BCO1: variants seen among roughly 807,000 people sequenced by gnomAD.
BCO1 encodes beta-carotene oxygenase 1.
A neutral mutation model predicts 56.3 loss-of-function variants in BCO1; 54 were observed. That is an observed-to-expected ratio of 0.96 (90% CI 0.77 to 1.20). The LOEUF (loss-of-function observed/expected upper bound fraction) is 1.20, where lower values mean the gene tolerates loss of function less well. Among genes scored for constraint, BCO1 ranks in the 50% most tolerant of loss-of-function variants. BCO1 has a pLI of 0.00. For missense variants in BCO1, 801 were observed against 690.9 expected, an observed-to-expected ratio of 1.16 and a Z score of -1.79; for synonymous variants, 318 against 266.1, an observed-to-expected ratio of 1.20 and a Z score of -1.90.
Position 81,290,522 on chromosome 16 carries a change from C to T in BCO1, c.1589C>T (p.Ala530Val). The change falls in exon 11 of 11, where the codon GCT (alanine) becomes GTT (valine). Residue 530 changes from alanine (A) to valine (V), a missense_variant. Physicochemically the swap from Ala to Val is moderately conservative, Grantham distance 64. Coordinates refer to ENST00000258168, the MANE Select transcript of BCO1 (RefSeq NM_017429.3). Reference protein sequence around the residue: ...DMDWDTKKQAASEEQRDRASD... With the variant: ...DMDWDTKKQAVSEEQRDRASD... ...GACTGGGACACAAAAAAGCAGGCCG[C>T]TTCTGAGGAACAGCGGGACAGGGCT... 6.2e-7 allele frequency: 1 copy of T among 1,614,126 alleles called. No homozygotes were observed. Among genetic ancestry groups the T allele is most frequent in the Non-Finnish European group, 8.5e-7 (1 of 1,180,032 alleles).
chr16:81,242,982 ACCAGT>A (rs775028183), intron 1 of BCO1, among the ~76,000 whole-genome samples: 2 of 151,908 alleles, frequency 1.3e-5, no homozygotes, highest in Non-Finnish European at 2.9e-5. Flanking sequence ...CTTCCACAAA[ACCAGT>A]CCCTGGTGCC....
intron 8 of BCO1, among the ~76,000 whole-genome samples, chr16:81,284,324 T>C (rs1019984151): frequency 6.7e-6 from 1 of 149,144 alleles, no homozygotes; most frequent in African/African-American, 2.5e-5. Context: ...AGAGAAAAAA[T>C]AATATTTTTG....
intron 7 of BCO1, among the ~76,000 whole-genome samples, chr16:81,272,837 G>A (rs1282031995): frequency 6.6e-6 from 1 of 152,208 alleles, no homozygotes; most frequent in Non-Finnish European, 1.5e-5. Context: ...TGTGGGAAAC[G>A]TCCCTGTAGA....
intron 10 of BCO1, among the ~76,000 whole-genome samples, chr16:81,288,812 T>C (rs893457315): frequency 6.6e-6 from 1 of 152,204 alleles, no homozygotes; most frequent in South Asian, 2.1e-4. Context: ...CTGCCACACC[T>C]GCAAGGAGGG....
At chr16:81,264,477 C>G (rs1355329092) in intron 4 of BCO1, among the ~76,000 whole-genome samples, 163 bp from the exon 5 acceptor site, 1 of 152,174 alleles carries the variant, frequency 6.6e-6, no homozygotes, top group African/African-American at 2.4e-5. Context: ...GTATCGTTTT[C>G]AGATCAACAG....
rs995784681 is a variant in BCO1 at position 81,238,754 on chromosome 16, C to G, written c.-155C>G. Reference sequence around the variant, plus strand: ...TGAGAGCCAGCCAAAAAGGAAAAAGCAAAGGCAGAAACGGCATCAGGAGAG... The same window carrying G: ...TGAGAGCCAGCCAAAAAGGAAAAAGGAAAGGCAGAAACGGCATCAGGAGAG... On this transcript the variant is annotated 5_prime_UTR_variant, in exon 1 of 11. Transcript: ENST00000258168. 5.9e-5 allele frequency: 43 copies of G among 733,552 alleles called. No individual in the cohort carries two copies. The highest frequency in any genetic ancestry group is 9.6e-5 in the Non-Finnish European group (39 of 407,752). The allele number at this position is 733,552 out of a possible 1,614,324, so 45.4% of individuals were successfully genotyped here.
chr16:81,269,315 T>C (rs948824991), intron 6 of BCO1, among the ~76,000 whole-genome samples: 1 of 150,894 alleles, frequency 6.6e-6, no homozygotes, highest in Non-Finnish European at 1.5e-5. Context: ...TTTTTTTTTT[T>C]CAGATAGAGT....
At chr16:81,248,949 C>T (rs1905603172) in intron 2 of BCO1, among the ~76,000 whole-genome samples, 1 of 152,050 alleles carries the variant, frequency 6.6e-6, no homozygotes, top group Admixed American at 6.6e-5. Flanking sequence ...GAGGCAGAGG[C>T]TGTGGTGAGT....
chr16:81,264,952 A>C (rs1906719939), intron 5 of BCO1, among the ~76,000 whole-genome samples, 165 bp downstream of exon 5: 1 of 152,188 alleles, frequency 6.6e-6, no homozygotes, highest in South Asian at 2.1e-4. Flanking sequence ...AGAAGAGGAG[A>C]TGCTGGGATT....
At chr16:81,277,175 C>T (rs939503686) in intron 7 of BCO1, among the ~76,000 whole-genome samples, 1 of 151,824 alleles carries the variant, frequency 6.6e-6, no homozygotes, top group African/African-American at 2.4e-5. Flanking sequence ...TGAAGGGCTG[C>T]GTGTCAAGGC....
rs371125704 is a variant in BCO1, at chr16:81,273,470, C to T, written c.1101+3054C>T. Reference sequence around the variant, plus strand: ...GTTTCTCAGTGCAGGAATTCAGCCACCCTCCCAGCCAGCGGGCAGGGGAGC... The same window carrying T: ...GTTTCTCAGTGCAGGAATTCAGCCATCCTCCCAGCCAGCGGGCAGGGGAGC... On this transcript the variant is annotated intron_variant, in intron 7 of 10. Coordinates refer to ENST00000258168, the MANE Select transcript of BCO1 (RefSeq NM_017429.3). Among the ~76,000 whole-genome samples the T allele has an allele frequency of 9.7e-4, 148 of 152,202 alleles. 2 individuals are homozygous for T. The South Asian group carries it at 0.029, about 30-fold the overall frequency.
chr16:81,287,317 C>A lies in BCO1; in HGVS notation c.1325C>A (p.Thr442Lys). 1 of 1,613,612 alleles carries A rather than the reference C, an allele frequency of 6.2e-7. No homozygotes were observed. The highest frequency in any genetic ancestry group is 2.2e-5 in the East Asian group (1 of 44,880). ...CAGATAATAAAATATGACATTCTCACAAAGTCATCCTTAAAATGGAGAGAG... is the reference window on the plus strand; with the variant it reads ...CAGATAATAAAATATGACATTCTCAAAAAGTCATCCTTAAAATGGAGAGAG... Reference protein sequence around the residue: ...PTKIIKYDILTKSSLKWREDD... With the variant: ...PTKIIKYDILKKSSLKWREDD... The change falls in exon 10 of 11, where the codon ACA (threonine) becomes AAA (lysine). Residue 442 changes from threonine (T) to lysine (K), a missense_variant. Physicochemically the swap from Thr to Lys is moderately conservative, Grantham distance 78. Transcript: ENST00000258168.
intron 3 of BCO1, 83 bp from the exon 4 acceptor site, chr16:81,262,053 A>T: frequency 6.6e-7 from 1 of 1,521,614 alleles, no homozygotes; most frequent in Non-Finnish European, 9.0e-7. Flanking sequence ...TTTAAGTGGT[A>T]GGAAAACTAA....
At chr16:81,258,186 T>C (rs1455516138) in intron 2 of BCO1, among the ~76,000 whole-genome samples, 1 of 152,180 alleles carries the variant, frequency 6.6e-6, no homozygotes, top group Non-Finnish European at 1.5e-5. Context: ...TTTCAGACTT[T>C]CTTCCAAACT....
intron 2 of BCO1, among the ~76,000 whole-genome samples, chr16:81,254,502 G>C (rs764950013): frequency 4.7e-5 from 7 of 148,658 alleles, no homozygotes; most frequent in Non-Finnish European, 7.4e-5. Flanking sequence ...GGCTGATCTC[G>C]AACACCTAGC....
chr16:81,274,450 G>T (rs1907429706), intron 7 of BCO1, among the ~76,000 whole-genome samples: 1 of 151,966 alleles, frequency 6.6e-6, no homozygotes, highest in Non-Finnish European at 1.5e-5. Context: ...ATTTTTGGTA[G>T]AGACGGGGTT....
chr16:81,277,644 G>T (rs1597371617), intron 7 of BCO1, among the ~76,000 whole-genome samples: 2 of 152,312 alleles, frequency 1.3e-5, no homozygotes, highest in East Asian at 1.9e-4. Flanking sequence ...CCACAGCGTT[G>T]AATTTCATAT....
chr16:81,250,801 G>C (rs1384213436), intron 2 of BCO1, among the ~76,000 whole-genome samples: 2 of 152,106 alleles, frequency 1.3e-5, no homozygotes, highest in African/African-American at 4.8e-5. Context: ...GGTTGGTCTC[G>C]ACCTCCTGAC....
At chr16:81,273,280 G>A (rs1170540054) in intron 7 of BCO1, among the ~76,000 whole-genome samples, 1 of 152,128 alleles carries the variant, frequency 6.6e-6, no homozygotes, top group Non-Finnish European at 1.5e-5. Flanking sequence ...ACCGTGGCCG[G>A]CCCTAAACCC....
Sources: gnomAD v4.1 joint callset for allele counts (sites outside exome capture counted in the v4.1 genomes callset) on GRCh38, gnomAD v4.1.1 for gene constraint, MANE v1.5 for transcripts, NCBI Gene and HGNC (gene_info 2026-07-23, HGNC 2026-07-21) for gene names.